The following INPP5A variants were observed in gnomAD, a reference collection of about 807,000 sequenced individuals.
INPP5A encodes the protein 43 kDa inositol polyphosphate 5-phophatase.
INPP5A carries 14 observed loss-of-function variants against 65.2 expected under a neutral mutation model. The observed-to-expected ratio is 0.21, with a 90% CI of 0.14 to 0.34. The LOEUF is 0.34. Ranked by LOEUF, INPP5A falls within the 10% of genes least tolerant of loss-of-function variation. The pLI is 1.00. For synonymous variants in INPP5A, 207 were observed against 208.3 expected, an observed-to-expected ratio of 0.99 and a Z score of 0.05; for missense variants, 431 against 545.6, an observed-to-expected ratio of 0.79 and a Z score of 2.09.
intron 3 of INPP5A, among the ~76,000 whole-genome samples, chr10:132,649,728 G>C (rs992938207): frequency 6.6e-6 from 1 of 152,210 alleles, no homozygotes; most frequent in Non-Finnish European, 1.5e-5. Flanking sequence ...TCTCTGTGGA[G>C]GGGCCAGGCA....
chr10:132,702,834 A>G (rs1845458278), intron 6 of INPP5A, among the ~76,000 whole-genome samples: 1 of 152,168 alleles, frequency 6.6e-6, no homozygotes, highest in Admixed American at 6.5e-5. Flanking sequence ...GAGGATGTGG[A>G]CAGCGCCTGC....
At chr10:132,696,699 G>A (rs1845349556) in intron 5 of INPP5A, among the ~76,000 whole-genome samples, 1 of 152,212 alleles carries the variant, frequency 6.6e-6, no homozygotes, top group Non-Finnish European at 1.5e-5. Context: ...TTCTGTCCAT[G>A]CTCCATAAGT....
intron 1 of INPP5A, among the ~76,000 whole-genome samples, chr10:132,586,840 G>A (rs1027846692): frequency 2.0e-5 from 3 of 152,150 alleles, no homozygotes; most frequent in African/African-American, 4.8e-5. Context: ...GCAGCGCGGC[G>A]AGGCCACGGT....
Position 132,674,741 on chromosome 10 carries a change from T to C in INPP5A, c.307-15651T>C, listed in dbSNP as rs113067856. 0.031 allele frequency among the ~76,000 whole-genome samples: 4,683 copies of C among 152,262 alleles called. 111 individuals are homozygous for C. Among genetic ancestry groups the C allele is most frequent in the African/African-American group, 0.058 (2,404 of 41,544 alleles). The stretch of plus-strand genomic sequence containing the variant: ...GTCAGAAAGCACCCAGTTCATGACA[T>C]GCAGTTCAGGTCACACGGTGACTTG... On this transcript the variant is annotated intron_variant, in intron 4 of 15. Coordinates refer to ENST00000368594, the MANE Select transcript of INPP5A (RefSeq NM_005539.5). The surrounding 1 kb of genome is among the most constrained non-coding windows in gnomAD (Gnocchi z 4.4).
At position 132,691,864 on chromosome 10, in the gene INPP5A, T is replaced by C. The variant is rs542903338; in HGVS notation, c.370+1409T>C. On this transcript the variant is annotated intron_variant, in intron 5 of 15. Transcript: ENST00000368594. ...GAGACGTGCGGTCGCGGGAGACGTG[T>C]GGTCGCGGGAGACGTGTGGTCGCGG... Among the ~76,000 whole-genome samples, 486 of 144,598 alleles carry C rather than the reference T, an allele frequency of 3.4e-3. 4 individuals carry two copies. The highest frequency in any genetic ancestry group is 7.2e-3 in the Middle Eastern group (2 of 276). The allele number at this position is 144,598 out of a possible 152,430, so 94.9% of individuals were successfully genotyped here. A position where few individuals can be genotyped will look rare whatever the true frequency, so the allele number is the denominator to read the frequency against.
intron 12 of INPP5A, among the ~76,000 whole-genome samples, chr10:132,767,770 G>T (rs1427900928): frequency 6.7e-6 from 1 of 149,368 alleles, no homozygotes; most frequent in Non-Finnish European, 1.5e-5. Context: ...ATTCCAGAAA[G>T]ATCCGTGGAC....
chr10:132,552,303 T>C (rs1046129485), intron 1 of INPP5A, among the ~76,000 whole-genome samples: 28 of 145,670 alleles, frequency 1.9e-4, no homozygotes, highest in Admixed American at 4.1e-4. Context: ...GTGAACGCCT[T>C]CTCAGAGCCT....
Position 132,651,246 on chromosome 10 carries a change from C to T in INPP5A, c.306+741C>T, listed in dbSNP as rs1433831596. On this transcript the variant is annotated intron_variant, in intron 4 of 15. Transcript: ENST00000368594. This position sits in a 1 kb window ranked among gnomAD's most constrained non-coding sequence, Gnocchi z 5.0. ...GGGTCCCCCGGCCTGGATCCATCTC[C>T]CCCGTCTCTGGGGAGGCCCTGGGTC... is the stretch of plus-strand genomic sequence containing the variant. 1.3e-5 allele frequency among the ~76,000 whole-genome samples: 2 copies of T among 151,568 alleles called. No individual in the cohort carries two copies. The highest frequency in any genetic ancestry group is 2.9e-5 in the Non-Finnish European group (2 of 67,874).
At chr10:132,731,845 C>T (rs1056000778) in intron 9 of INPP5A, among the ~76,000 whole-genome samples, 2 of 152,340 alleles carry the variant, frequency 1.3e-5, no homozygotes, top group Middle Eastern at 3.4e-3. Flanking sequence ...CCAGGGCGTT[C>T]GTGGGAAATC....
At position 132,537,901 on chromosome 10, in the gene INPP5A, CAGCG is replaced by C. The variant is rs534663009; in HGVS notation, c.-179_-176del. ...GAGCGACGGGCGCGGGGCCGCGGAGCAGCGAGCGAGCGAGCGAGCGCGAGGCCGG... is the reference window on the plus strand; with the variant it reads ...GAGCGACGGGCGCGGGGCCGCGGAGCAGCGAGCGAGCGAGCGCGAGGCCGG... On this transcript the variant is annotated 5_prime_UTR_variant, in exon 1 of 16. Transcript: ENST00000368594. 0.035 allele frequency: 9,607 copies of C among 273,542 alleles called. 317 individuals are homozygous for C. The highest frequency in any genetic ancestry group is 0.043 in the Non-Finnish European group (6,197 of 145,652). The allele number at this position is 273,542 out of a possible 1,614,324, so 16.9% of individuals were successfully genotyped here.
chr10:132,767,004 G>T (rs1397526765), intron 12 of INPP5A, among the ~76,000 whole-genome samples: 2 of 144,974 alleles, frequency 1.4e-5, no homozygotes, highest in Admixed American at 6.8e-5. Flanking sequence ...TGGAGGATGC[G>T]GCCTCGGAGC....
chr10:132,686,712 T>G (rs566714725), intron 4 of INPP5A, among the ~76,000 whole-genome samples: 5 of 152,280 alleles, frequency 3.3e-5, no homozygotes, highest in Non-Finnish European at 7.3e-5. Flanking sequence ...TCTGTTAGCT[T>G]TAACATTCAA....
intron 12 of INPP5A, among the ~76,000 whole-genome samples, chr10:132,766,183 GT>G (rs1291743399): frequency 1.3e-5 from 2 of 152,206 alleles, no homozygotes; most frequent in Non-Finnish European, 2.9e-5. Context: ...TGTGCATAGT[GT>G]TTTTGTGTGT....
intron 1 of INPP5A, among the ~76,000 whole-genome samples, chr10:132,604,798 A>G (rs1396057163): frequency 6.6e-6 from 1 of 152,216 alleles, no homozygotes; most frequent in African/African-American, 2.4e-5. Flanking sequence ...TGGAGAAGAC[A>G]GTATTTGATC....
chr10:132,672,012 T>G (rs2072898765), intron 4 of INPP5A, among the ~76,000 whole-genome samples: 1 of 152,200 alleles, frequency 6.6e-6, no homozygotes, highest in African/African-American at 2.4e-5. Flanking sequence ...TCAGCTAAAC[T>G]GTAGGTTTTA....
intron 1 of INPP5A, among the ~76,000 whole-genome samples, chr10:132,597,876 C>T (rs953773432): frequency 4.1e-5 from 6 of 146,528 alleles, no homozygotes; most frequent in Non-Finnish European, 6.0e-5. Context: ...GTCTGTGGTG[C>T]GTGTTCCGGG....
At chr10:132,557,341 C>T (rs932491143) in intron 1 of INPP5A, among the ~76,000 whole-genome samples, 1 of 152,268 alleles carries the variant, frequency 6.6e-6, no homozygotes, top group Non-Finnish European at 1.5e-5. Context: ...TGGGCTCCTG[C>T]AGCAGTGCCC....
chr10:132,624,500 C>T (rs532684424), intron 2 of INPP5A, among the ~76,000 whole-genome samples: 4 of 142,130 alleles, frequency 2.8e-5, no homozygotes, highest in South Asian at 4.6e-4. Context: ...CACTTCCCAC[C>T]GGCGTGTCTG....
chr10:132,706,765 A>G lies in INPP5A; in HGVS notation c.475-1548A>G, dbSNP rs1339150632. ...TGCCCAGGAGGGAGCTGTGGGGGCC[A>G]CTGTCCTGGAGGGAGACAGGGAGAA... On this transcript the variant is annotated intron_variant, in intron 6 of 15. Transcript: ENST00000368594. The surrounding 1 kb of genome is among the most constrained non-coding windows in gnomAD (Gnocchi z 4.7). 1.3e-5 allele frequency among the ~76,000 whole-genome samples: 2 copies of G among 152,178 alleles called. No individual in the cohort carries two copies. The highest frequency in any genetic ancestry group is 2.9e-5 in the Non-Finnish European group (2 of 68,036).
Sources: allele counts gnomAD v4.1 joint callset (sites outside exome capture counted in the v4.1 genomes callset), GRCh38; gene constraint gnomAD v4.1.1; non-coding constraint Gnocchi (gnomAD v3.1); transcripts MANE v1.5; gene names NCBI Gene and HGNC (gene_info 2026-07-23, HGNC 2026-07-21).